STPG2: variants seen among roughly 807,000 people sequenced by gnomAD.
STPG2 encodes the protein sperm tail PG-rich repeat containing 2.
STPG2 carries 56 observed loss-of-function variants against 54.2 expected under a neutral mutation model. The ratio of observed to expected loss-of-function variants is 1.03; its 90% CI spans 0.83 to 1.29. STPG2 has a LOEUF of 1.29. Among genes scored for constraint, STPG2 ranks in the 50% most tolerant of loss-of-function variants. STPG2 has a pLI of 0.00. For missense variants in STPG2, 596 were observed against 544.9 expected, an observed-to-expected ratio of 1.09 and a Z score of -0.93; for synonymous variants, 200 against 181.8, an observed-to-expected ratio of 1.10 and a Z score of -0.81.
intron 3 of STPG2, among the ~76,000 whole-genome samples, chr4:98,122,265 A>G (rs949695367): frequency 6.6e-6 from 1 of 152,104 alleles, no homozygotes; most frequent in East Asian, 1.9e-4. Flanking sequence ...AGAGGGCATC[A>G]TTGTCTTGTG....
intron 9 of STPG2, among the ~76,000 whole-genome samples, chr4:97,717,287 TTTAAGAAATAAGATTTTACA>T (rs1305755199): frequency 6.6e-6 from 1 of 152,190 alleles, no homozygotes. Flanking sequence ...TATTTCATAT[TTTAAGAAATAAGATTTTACA>T]TGTTCAAGGA....
At chr4:97,443,425 T>C (rs1023227035) in intron 4 of STPG2, among the ~76,000 whole-genome samples, 1 of 152,138 alleles carries the variant, frequency 6.6e-6, no homozygotes, top group African/African-American at 2.4e-5. Context: ...TTTTATCTGG[T>C]ATAGGGTTAT....
intron 8 of STPG2, among the ~76,000 whole-genome samples, chr4:97,924,541 C>A (rs1489175662): frequency 6.6e-6 from 1 of 152,086 alleles, no homozygotes. Flanking sequence ...ACATGTAAAT[C>A]CAGCATTAAA....
chr4:98,027,147 T>C (rs762832647), intron 5 of STPG2, among the ~76,000 whole-genome samples: 11 of 152,152 alleles, frequency 7.2e-5, no homozygotes, highest in Admixed American at 5.2e-4. Context: ...GAGGTATTTG[T>C]TTCTATTACT....
intron 9 of STPG2, among the ~76,000 whole-genome samples, chr4:97,771,178 A>C (rs1473622528): frequency 2.0e-5 from 3 of 152,208 alleles, no homozygotes; most frequent in African/African-American, 7.2e-5. Flanking sequence ...CTATTGGCAT[A>C]ACAAGGTAAT....
Position 98,142,198 on chromosome 4 carries a change from A to G in STPG2, c.109+844T>C, listed in dbSNP as rs1036266252. Among the ~76,000 whole-genome samples, 43 of 152,192 alleles carry G rather than the reference A, an allele frequency of 2.8e-4. 1 individual carries two copies. Among genetic ancestry groups the G allele is most frequent in the Non-Finnish European group, 1.2e-4 (8 of 68,030 alleles). On this transcript the variant is annotated intron_variant, in intron 1 of 10. Coordinates refer to ENST00000295268, the MANE Select transcript of STPG2 (RefSeq NM_174952.3). ...ACATGTGAAACACTGACAGAAGTCA[A>G]ATTTGTACTCCACCCCAAGAAACCT...
intron 4 of STPG2, among the ~76,000 whole-genome samples, chr4:97,540,269 G>T (rs998699439): frequency 2.6e-5 from 4 of 152,006 alleles, no homozygotes; most frequent in African/African-American, 9.7e-5. Flanking sequence ...TCAAATAGAT[G>T]CAATAAATAA....
intron 10 of STPG2, among the ~76,000 whole-genome samples, chr4:97,564,307 C>T (rs1287801281): frequency 2.6e-4 from 39 of 152,110 alleles, no homozygotes; most frequent in African/African-American, 8.4e-4. Context: ...TCCATCCTTT[C>T]ATTTTGAGCC....
At chr4:97,690,936 C>T (rs1240683777) in intron 10 of STPG2, among the ~76,000 whole-genome samples, 1 of 152,154 alleles carries the variant, frequency 6.6e-6, no homozygotes, top group Non-Finnish European at 1.5e-5. Context: ...TCAGAAATGA[C>T]TAGGTCAATA....
intron 9 of STPG2, among the ~76,000 whole-genome samples, chr4:97,735,296 A>G (rs767774217): frequency 9.9e-5 from 15 of 151,684 alleles, no homozygotes; most frequent in Admixed American, 7.2e-4. Context: ...GAAATAACAC[A>G]TAAGTGGAAA....
At chr4:98,069,695 T>A (rs1172830629) in intron 5 of STPG2, among the ~76,000 whole-genome samples, 1 of 152,094 alleles carries the variant, frequency 6.6e-6, no homozygotes, top group Non-Finnish European at 1.5e-5. Flanking sequence ...AGGATTTTCT[T>A]TTCAAGATTT....
At chr4:97,504,432 G>T (rs977226626) in intron 4 of STPG2, among the ~76,000 whole-genome samples, 1 of 151,508 alleles carries the variant, frequency 6.6e-6, no homozygotes, top group Non-Finnish European at 1.5e-5. Context: ...CTTGTGGTAG[G>T]GAGAGAATGT....
At position 97,942,107 on chromosome 4, in the gene STPG2, T is replaced by A. The variant is rs188839903; in HGVS notation, c.1044+1790A>T. Among the ~76,000 whole-genome samples, 257 of 151,396 alleles carry A rather than the reference T, an allele frequency of 1.7e-3. 2 individuals carry two copies. The Middle Eastern group carries it at 0.025, about 15-fold the overall frequency. The stretch of plus-strand genomic sequence containing the variant: ...TTCACTACAAAGTTTAACATATATA[T>A]GTATAGATACGTTTTAAATATATAT... On this transcript the variant is annotated intron_variant, in intron 8 of 10. Transcript: ENST00000295268.
At chr4:97,631,630 T>G (rs1721283776) in intron 10 of STPG2, among the ~76,000 whole-genome samples, 2 of 152,166 alleles carry the variant, frequency 1.3e-5, no homozygotes, top group South Asian at 2.1e-4. Flanking sequence ...TGGAAAATAT[T>G]GAAGACACCT....
chr4:97,928,946 C>A (rs1389023305), intron 8 of STPG2, among the ~76,000 whole-genome samples: 1 of 151,988 alleles, frequency 6.6e-6, no homozygotes, highest in African/African-American at 2.4e-5. Context: ...TAAACTTGTA[C>A]CACAGAGATC....
chr4:97,984,033 T>C (rs1186475059), intron 5 of STPG2, among the ~76,000 whole-genome samples: 3 of 150,462 alleles, frequency 2.0e-5, no homozygotes, highest in African/African-American at 4.9e-5. Context: ...ATGAAAACCA[T>C]ACCTCAGATT....
At chr4:97,862,882 C>T (rs535222599) in intron 8 of STPG2, among the ~76,000 whole-genome samples, 7 of 152,154 alleles carry the variant, frequency 4.6e-5, no homozygotes, top group East Asian at 3.9e-4. Context: ...GAAATAAAGA[C>T]GTTCTTTGAA....
intron 4 of STPG2, among the ~76,000 whole-genome samples, chr4:97,465,520 T>A (rs1283274276): frequency 1.3e-5 from 2 of 152,122 alleles, no homozygotes; most frequent in East Asian, 3.9e-4. Context: ...ATCATATGAA[T>A]CATATATTTC....
chr4:97,729,056 C>A (rs1271819974), intron 9 of STPG2, among the ~76,000 whole-genome samples: 1 of 64,632 alleles, frequency 1.5e-5, no homozygotes, highest in Non-Finnish European at 3.4e-5. Context: ...GACAAGGCCC[C>A]AAGAATTTCT....
Sources: allele counts gnomAD v4.1 joint callset (sites outside exome capture counted in the v4.1 genomes callset), GRCh38; gene constraint gnomAD v4.1.1; transcripts MANE v1.5; gene names NCBI Gene and HGNC (gene_info 2026-07-23, HGNC 2026-07-21).